The following FGFR1 variants were observed in gnomAD, a reference collection of about 807,000 sequenced individuals.
The protein encoded by FGFR1 is FGFR1/PLAG1 fusion.
Under a neutral mutation model 93.7 loss-of-function variants are expected in FGFR1, and 18 were observed. The ratio of observed to expected loss-of-function variants is 0.19; its 90% CI spans 0.13 to 0.28. FGFR1 has a LOEUF of 0.28. FGFR1 is among the 10% of genes least tolerant of loss of function. The probability of loss-of-function intolerance (pLI) is 1.00; values close to 1 mark genes in which losing one functional copy is unlikely to be tolerated. For missense variants in FGFR1, 731 were observed against 1,080.4 expected, an observed-to-expected ratio of 0.68 and a Z score of 4.53; for synonymous variants, 448 against 429.3, an observed-to-expected ratio of 1.04 and a Z score of -0.54.
chr8:38,442,807 G>C (rs1353672945), intron 2 of FGFR1, among the ~76,000 whole-genome samples: 2 of 152,156 alleles, frequency 1.3e-5, no homozygotes, highest in African/African-American at 4.8e-5. Flanking sequence ...GCTGTTTCAG[G>C]ATGTGTCTTC....
At position 38,427,905 on chromosome 8, in the gene FGFR1, A is replaced by G. The variant is rs996400603; in HGVS notation, c.621+16T>C. ...CTGTTCCCATTACTCTAACTTTCGC[A>G]TGCACACACACGTACCTTGTAGCCT... On this transcript the variant is annotated intron_variant, in intron 5 of 17. Transcript: ENST00000447712. The G allele has an allele frequency of 5.0e-6, 8 of 1,614,090 alleles. No individual in the cohort carries two copies. The highest frequency in any genetic ancestry group is 5.9e-6 in the Non-Finnish European group (7 of 1,180,036).
intron 2 of FGFR1, among the ~76,000 whole-genome samples, chr8:38,446,203 A>AC (rs1554584506): frequency 7.1e-5 from 6 of 83,936 alleles, no homozygotes; most frequent in Non-Finnish European, 1.5e-4. Context: ...GCCCTCTCCC[A>AC]CCTTTTTTTT....
At position 38,419,482 on chromosome 8, in the gene FGFR1, A is replaced by G. The variant is rs748105132; in HGVS notation, c.1284+51T>C. The G allele has an allele frequency of 2.6e-6, 4 of 1,516,304 alleles. No individual in the cohort carries two copies. In the African/African-American group the frequency reaches 4.1e-5, roughly 16 times the overall value. 93.9% of individuals were successfully genotyped at this position (1,516,304 alleles called of 1,614,324 possible). A position where few individuals can be genotyped will look rare whatever the true frequency, so the allele number is the denominator to read the frequency against. ...GACAATGGAGAGGGCAGGGCATTAG[A>G]GGCCCAGAGAGAGAGGTGGTGCTGA... On this transcript the variant is annotated intron_variant, in intron 9 of 17. Coordinates refer to ENST00000447712, the MANE Select transcript of FGFR1 (RefSeq NM_023110.3).
intron 2 of FGFR1, among the ~76,000 whole-genome samples, chr8:38,442,610 A>G (rs1305148496): frequency 6.6e-6 from 1 of 152,018 alleles, no homozygotes; most frequent in Non-Finnish European, 1.5e-5. Flanking sequence ...CTCTGACCTT[A>G]AAGTTCGGTC....
intron 2 of FGFR1, chr8:38,440,476 G>T: frequency 1.1e-6 from 1 of 914,630 alleles, no homozygotes; most frequent in Non-Finnish European, 1.6e-6. Context: ...ACAGGTATGT[G>T]TGGAAAGAGA....
rs1184316056 is a variant in FGFR1, at chr8:38,414,172, G to A, written c.2166C>T (p.Pro722=). 2 of 1,614,066 alleles carry A rather than the reference G, an allele frequency of 1.2e-6. No homozygotes were observed. Among genetic ancestry groups the A allele is most frequent in the Non-Finnish European group, 1.7e-6 (2 of 1,180,040 alleles). Residue 722 remains proline, a synonymous_variant, in exon 16 of 18, where the codon CCC becomes CCT. Coordinates refer to ENST00000447712, the MANE Select transcript of FGFR1 (RefSeq NM_023110.3). The stretch of plus-strand genomic sequence containing the variant: ...CTTACAGCTCGTTGGTGCAGTTACT[G>A]GGCTTGTCCATGCGGTGACCCTCCT... ...LLKEGHRMDK[P]SNCTNELYMM...
chr8:38,442,314 C>T (rs1827764270), intron 2 of FGFR1, among the ~76,000 whole-genome samples: 2 of 151,570 alleles, frequency 1.3e-5, no homozygotes, highest in African/African-American at 4.9e-5. Context: ...CTCGTCATCA[C>T]CTGTGACAGT....
chr8:38,427,889 T>C (rs2150907689), intron 5 of FGFR1, 32 bp downstream of exon 5: 1 of 1,613,810 alleles, frequency 6.2e-7, no homozygotes, highest in Non-Finnish European at 8.5e-7. Flanking sequence ...CCTGTTCCCA[T>C]TACTCTAACT....
intron 1 of FGFR1, among the ~76,000 whole-genome samples, chr8:38,467,502 T>TG (rs1313106701): frequency 3.3e-5 from 5 of 152,042 alleles, no homozygotes; most frequent in African/African-American, 4.8e-5. Flanking sequence ...CCTGCTGAAT[T>TG]GGGGGTGAAT....
Position 38,428,050 on chromosome 8 carries a change from T to C in FGFR1, c.492A>G (p.Lys164=), listed in dbSNP as rs1821415855. The C allele has an allele frequency of 1.2e-6, 2 of 1,614,150 alleles. No individual in the cohort carries two copies. Residue 164 remains lysine, a synonymous_variant, in exon 5 of 18, where the codon AAA becomes AAG. Coordinates refer to ENST00000447712, the MANE Select transcript of FGFR1 (RefSeq NM_023110.3). ...TCTTGGCAGCCGGCACTGCATGCAA[T>C]TTCTTTTCCATCTTTTCTGGGGATG... ...YWTSPEKMEK[K]LHAVPAAKTV... is the part of the protein sequence containing the mutation.
chr8:38,440,167 T>G, intron 2 of FGFR1: 2 of 697,384 alleles, frequency 2.9e-6, no homozygotes, highest in Non-Finnish European at 5.1e-6. Context: ...GAGGGGGCAA[T>G]TGTGGGTGGG....
chr8:38,414,104 C>G (rs2150527882), intron 16 of FGFR1, 48 bp downstream of exon 16: 1 of 1,614,154 alleles, frequency 6.2e-7, no homozygotes, highest in Non-Finnish European at 8.5e-7. Context: ...CAAGCCCACT[C>G]TTGCCCCAAG....
At chr8:38,445,787 C>T (rs1035194131) in intron 2 of FGFR1, among the ~76,000 whole-genome samples, 1 of 151,692 alleles carries the variant, frequency 6.6e-6, no homozygotes, top group African/African-American at 2.4e-5. Context: ...GTGATCTGCC[C>T]GCCTCAACCT....
chr8:38,417,244 T>C, intron 12 of FGFR1, 62 bp downstream of exon 12: 2 of 1,337,546 alleles, frequency 1.5e-6, no homozygotes, highest in Non-Finnish European at 2.1e-6. Context: ...GCCTTGGGAC[T>C]GATACCCCAG....
At position 38,412,960 on chromosome 8, in the gene FGFR1, T is replaced by C. The variant is rs890175869; in HGVS notation, c.*668A>G. 50 of 233,246 alleles carry C rather than the reference T, an allele frequency of 2.1e-4. No individual in the cohort carries two copies. The highest frequency in any genetic ancestry group is 1.0e-3 in the African/African-American group (47 of 45,380). 14.4% of individuals were successfully genotyped at this position (233,246 alleles called of 1,614,324 possible). ...CGACCCTTTTAAAAAGACATGTAAA[T>C]ATATACTCAGATTTATACACTTTGT... is the stretch of plus-strand genomic sequence containing the variant. On this transcript the variant is annotated 3_prime_UTR_variant, in exon 18 of 18. Coordinates refer to ENST00000447712, the MANE Select transcript of FGFR1 (RefSeq NM_023110.3).
rs1820907612 is a variant in FGFR1, at chr8:38,426,779, CA to C, written c.622-535del. 6.6e-6 allele frequency among the ~76,000 whole-genome samples: 1 copy of C among 152,146 alleles called. No homozygotes were observed. Among genetic ancestry groups the C allele is most frequent in the African/African-American group, 2.4e-5 (1 of 41,422 alleles). ...GAACGCTATCTTGCAGCATTTAAAG[CA>C]TGGTGTCTTGCATGTAGTGAGTGCA... On this transcript the variant is annotated intron_variant, in intron 5 of 17. Coordinates refer to ENST00000447712, the MANE Select transcript of FGFR1 (RefSeq NM_023110.3). This position sits in a 1 kb window ranked among gnomAD's most constrained non-coding sequence, Gnocchi z 4.1.
chr8:38,459,548 C>T (rs914908331), intron 1 of FGFR1, among the ~76,000 whole-genome samples: 1 of 152,088 alleles, frequency 6.6e-6, no homozygotes, highest in Admixed American at 6.5e-5. Flanking sequence ...CCACTATGTA[C>T]CAAGGATGCC....
At chr8:38,418,194 G>A in intron 10 of FGFR1, 34 bp downstream of exon 10, 1 of 1,614,120 alleles carries the variant, frequency 6.2e-7, no homozygotes, top group Non-Finnish European at 8.5e-7. Flanking sequence ...AGCAAGGAAT[G>A]CCTTCAAAAA....
At chr8:38,461,333 CA>C in intron 1 of FGFR1, 1 of 578,084 alleles carries the variant, frequency 1.7e-6, no homozygotes, top group South Asian at 2.2e-5. Flanking sequence ...AATTCATGGC[CA>C]AATCTTTTTA....
Sources: allele counts gnomAD v4.1 joint callset (sites outside exome capture counted in the v4.1 genomes callset), GRCh38; gene constraint gnomAD v4.1.1; non-coding constraint Gnocchi (gnomAD v3.1); transcripts MANE v1.5; gene names NCBI Gene and HGNC (gene_info 2026-07-23, HGNC 2026-07-21).